Variants in MCPH1 observed in about 807,000 individuals in gnomAD.
MCPH1 encodes microcephalin.
A neutral mutation model predicts 84.5 loss-of-function variants in MCPH1; 104 were observed. The ratio of observed to expected loss-of-function variants is 1.23; its 90% confidence interval spans 1.05 to 1.45. The LOEUF (loss-of-function observed/expected upper bound fraction) is 1.45. MCPH1 is among the 40% of genes most tolerant of loss of function. The pLI is 0.00. For synonymous variants in MCPH1, 514 were observed against 366.8 expected (o/e 1.40, Z -4.58); for missense variants, 1,498 against 1,005.7 (o/e 1.49, Z -6.62).
intron 11 of MCPH1, among the ~76,000 whole-genome samples, chr8:6,483,917 C>A (rs1322348403): frequency 6.6e-6 from 1 of 151,998 alleles, no homozygotes; most frequent in South Asian, 2.1e-4. Flanking sequence ...CATTCTATAC[C>A]TTACACGAGC....
chr8:6,444,159 A>G (rs1803913821), intron 7 of MCPH1, among the ~76,000 whole-genome samples: 1 of 152,176 alleles, frequency 6.6e-6, no homozygotes, highest in Admixed American at 6.5e-5. Flanking sequence ...AGTTTGTTAC[A>G]CCTCTTCTCT....
At chr8:6,527,899 A>ATGTTTTTTTTTT (rs1818656451) in intron 12 of MCPH1, among the ~76,000 whole-genome samples, 1 of 133,122 alleles carries the variant, frequency 7.5e-6, no homozygotes, top group Admixed American at 7.7e-5. Context: ...CCACGTCTCT[A>ATGTTTTTTTTTT]TTTTTTTTTT....
At chr8:6,496,883 C>G (rs995654035) in intron 11 of MCPH1, among the ~76,000 whole-genome samples, 3 of 152,106 alleles carry the variant, frequency 2.0e-5, no homozygotes, top group Non-Finnish European at 2.9e-5. Context: ...CTTCCCCACC[C>G]CACCCCCAGT....
At chr8:6,424,941 C>G (rs539738538) in intron 3 of MCPH1, among the ~76,000 whole-genome samples, 2 of 152,230 alleles carry the variant, frequency 1.3e-5, no homozygotes, top group East Asian at 3.9e-4. Context: ...GTGCCGTTTA[C>G]AAAAAAGATT....
chr8:6,407,602 C>G (rs906378407), intron 1 of MCPH1, among the ~76,000 whole-genome samples: 2 of 152,152 alleles, frequency 1.3e-5, no homozygotes, highest in African/African-American at 4.8e-5. Flanking sequence ...ACCTCATAGC[C>G]AAAAGTAAAG....
intron 12 of MCPH1, chr8:6,620,022 A>AT (rs1268271227): frequency 1.3e-5 from 2 of 152,206 alleles, no homozygotes; most frequent in African/African-American, 4.8e-5. Context: ...GTGACTCACC[A>AT]TTTGCCAAAG....
intron 12 of MCPH1, among the ~76,000 whole-genome samples, chr8:6,540,856 C>T (rs973898591): frequency 2.0e-5 from 3 of 152,212 alleles, no homozygotes; most frequent in Non-Finnish European, 4.4e-5. Flanking sequence ...CACGTGGACT[C>T]AGGCGGCCAC....
intron 12 of MCPH1, among the ~76,000 whole-genome samples, chr8:6,592,623 G>T (rs2922858): frequency 0.33 from 25,460 of 76,442 alleles, 3,158 homozygotes; most frequent in East Asian, 0.55. Flanking sequence ...TCTTTTTTTT[G>T]TTTTTTTTTT....
At chr8:6,622,885 G>A (rs1831612267) in intron 13 of MCPH1, among the ~76,000 whole-genome samples, 1 of 152,148 alleles carries the variant, frequency 6.6e-6, no homozygotes, top group South Asian at 2.1e-4. Context: ...CTGTCACCCA[G>A]GATGGAGTGC....
chr8:6,477,536 G>GA (rs1219010153), intron 9 of MCPH1, 58 bp from the exon 10 acceptor site: 9 of 1,489,412 alleles, frequency 6.0e-6, no homozygotes, highest in Non-Finnish European at 7.5e-6. Context: ...ATTTCTGTGG[G>GA]AAAAATATTT....
intron 9 of MCPH1, among the ~76,000 whole-genome samples, chr8:6,470,138 A>T (rs963979166): frequency 6.6e-6 from 1 of 152,166 alleles, no homozygotes; most frequent in African/African-American, 2.4e-5. Flanking sequence ...AATTTGTGAG[A>T]TGTGTCTAGA....
At chr8:6,567,367 G>C (rs2515511) in intron 12 of MCPH1, among the ~76,000 whole-genome samples, 149,737 of 150,796 alleles carry the variant, frequency 0.99, 74,348 homozygotes, top group Non-Finnish European at 1. Context: ...ATGTTTGATC[G>C]GCAAGGCCAT....
intron 11 of MCPH1, among the ~76,000 whole-genome samples, chr8:6,482,159 C>G (rs896634549): frequency 6.6e-6 from 1 of 152,156 alleles, no homozygotes; most frequent in Non-Finnish European, 1.5e-5. Context: ...TCCCCAAGCA[C>G]AAGAGTATTG....
intron 12 of MCPH1, among the ~76,000 whole-genome samples, chr8:6,605,098 G>C (rs974989358): frequency 6.6e-6 from 1 of 152,182 alleles, no homozygotes; most frequent in African/African-American, 2.4e-5. Flanking sequence ...AGTCTCAGTG[G>C]TCCTGGTCCC....
intron 9 of MCPH1, among the ~76,000 whole-genome samples, chr8:6,472,059 C>T (rs191836589): frequency 0.012 from 1,756 of 152,264 alleles, 17 homozygotes; most frequent in Middle Eastern, 0.044. Flanking sequence ...CTAGATACAG[C>T]ATCTAGAAAC....
chr8:6,511,932 A>G (rs1409231417), intron 12 of MCPH1, among the ~76,000 whole-genome samples: 1 of 144,766 alleles, frequency 6.9e-6, no homozygotes, highest in Non-Finnish European at 1.5e-5. Flanking sequence ...TCTGTTGTAG[A>G]TTCCTAACTG....
chr8:6,642,892 T>A (rs1798026182), intron 13 of MCPH1, 102 bp from the exon 14 acceptor site: 2 of 1,078,834 alleles, frequency 1.9e-6, no homozygotes, highest in African/African-American at 3.1e-5. Context: ...AGCTCTTGGC[T>A]ATTTGTTTTT....
At chr8:6,410,437 G>A (rs369084376) in intron 2 of MCPH1, among the ~76,000 whole-genome samples, 23 of 152,156 alleles carry the variant, frequency 1.5e-4, no homozygotes, top group Admixed American at 2.6e-4. Context: ...CAGTGAAATG[G>A]GCAGGAATCA....
At position 6,444,532 on chromosome 8, in the gene MCPH1, A is replaced by G. The variant is rs1803980524; in HGVS notation, c.810A>G (p.Lys270=). The G allele has an allele frequency of 1.2e-6, 2 of 1,614,232 alleles. No homozygotes were observed. Among genetic ancestry groups the G allele is most frequent in the East Asian group, 4.5e-5 (2 of 44,880 alleles). ...TGTGTATTTCTTCACTTGTATTGAA[A>G]GCAAATAATATTCATTCATCACCAT... ...SDVCISSLVL[K]ANNIHSSPSF... The change falls in exon 8 of 14, where the codon AAA becomes AAG. Residue 270 remains lysine, a synonymous_variant. Transcript: ENST00000344683.
Sources: gnomAD v4.1 joint callset for allele counts (sites outside exome capture counted in the v4.1 genomes callset) on GRCh38, gnomAD v4.1.1 for gene constraint, MANE v1.5 for transcripts, NCBI Gene and HGNC (gene_info 2026-07-23, HGNC 2026-07-21) for gene names.